The following ELF5 variants were observed in gnomAD, a reference collection of about 807,000 sequenced individuals.
ELF5 encodes ETS-related transcription factor Elf-5.
ELF5 carries 31 observed loss-of-function variants against 38.2 expected under a neutral mutation model. The observed-to-expected ratio is 0.81, with a 90% CI of 0.61 to 1.10. The LOEUF is 1.10. ELF5 is among the 50% of genes least tolerant of loss of function. The probability of loss-of-function intolerance (pLI) is 0.00; values close to 1 mark genes in which losing one functional copy is unlikely to be tolerated. For missense variants in ELF5, 300 were observed against 306.6 expected (o/e 0.98, Z 0.16); for synonymous variants, 121 against 112.5 (o/e 1.08, Z -0.48).
chr11:34,500,835 A>G (rs1257454019), intron 2 of ELF5, among the ~76,000 whole-genome samples: 1 of 152,202 alleles, frequency 6.6e-6, no homozygotes, highest in African/African-American at 2.4e-5. Context: ...GTGGGGATGC[A>G]GATGCCTCTT....
intron 4 of ELF5, among the ~76,000 whole-genome samples, chr11:34,483,851 C>G (rs1345941447): frequency 3.8e-5 from 4 of 104,236 alleles, no homozygotes; most frequent in African/African-American, 1.2e-4. Flanking sequence ...CTGTACTGCA[C>G]TATACTAACT....
At chr11:34,499,354 G>T (rs184885805) in intron 2 of ELF5, among the ~76,000 whole-genome samples, 4 of 152,144 alleles carry the variant, frequency 2.6e-5, no homozygotes, top group African/African-American at 9.6e-5. Context: ...CAATCCTCCT[G>T]CCTCAGCCTC....
Position 34,511,683 on chromosome 11 carries a change from C to A in ELF5, c.-5+1994G>T, listed in dbSNP as rs138240402. 2.1e-5 allele frequency: 28 copies of A among 1,327,684 alleles called. No individual in the cohort carries two copies. The East Asian group carries it at 6.7e-4, about 32-fold the overall frequency. The allele number at this position is 1,327,684 out of a possible 1,614,324, so 82.2% of individuals were successfully genotyped here. On this transcript the variant is annotated intron_variant, in intron 1 of 6. Transcript: ENST00000257832. Reference sequence around the variant, plus strand: ...CGAGTTGGAGGGACAGGCCTGTGGGCTTCTCAGTGTCACACAAATCAGAGG... The same window carrying A: ...CGAGTTGGAGGGACAGGCCTGTGGGATTCTCAGTGTCACACAAATCAGAGG...
At chr11:34,511,323 G>A (rs990202480) in intron 1 of ELF5, among the ~76,000 whole-genome samples, 5 of 152,132 alleles carry the variant, frequency 3.3e-5, no homozygotes, top group Non-Finnish European at 5.9e-5. Context: ...AGATACCTCA[G>A]GACAACTGGA....
At chr11:34,511,708 G>A (rs771916257) in intron 1 of ELF5, 3 of 1,057,164 alleles carry the variant, frequency 2.8e-6, no homozygotes, top group Non-Finnish European at 4.2e-6. Context: ...CAAATCAGAG[G>A]CAGCAATAAC....
intron 2 of ELF5, 124 bp downstream of exon 2, chr11:34,505,505 C>T: frequency 9.0e-6 from 13 of 1,445,762 alleles, no homozygotes; most frequent in African/African-American, 1.4e-5. Flanking sequence ...CCCTCCAGCC[C>T]TCTGCCCTGA....
chr11:34,511,404 G>T, intron 1 of ELF5: 1 of 1,175,160 alleles, frequency 8.5e-7, no homozygotes, highest in Non-Finnish European at 1.2e-6. Context: ...CGATAGATCC[G>T]TGGAAGCTGG....
intron 3 of ELF5, 109 bp from the exon 4 acceptor site, chr11:34,490,168 G>T: frequency 8.0e-7 from 1 of 1,244,862 alleles, no homozygotes; most frequent in Non-Finnish European, 1.2e-6. Context: ...CCCTCTTGAG[G>T]TTGGTTACAA....
intron 1 of ELF5, among the ~76,000 whole-genome samples, chr11:34,513,070 C>G (rs1477100633): frequency 1.3e-5 from 2 of 152,258 alleles, no homozygotes; most frequent in African/African-American, 4.8e-5. Flanking sequence ...ACCCCACACA[C>G]TGCAGAGTCT....
chr11:34,501,775 C>T (rs1850476971), intron 2 of ELF5, among the ~76,000 whole-genome samples: 2 of 152,136 alleles, frequency 1.3e-5, no homozygotes, highest in South Asian at 2.1e-4. Context: ...TTTGTGGTTA[C>T]CACACCAGGG....
At chr11:34,498,447 A>G (rs965047624) in intron 2 of ELF5, among the ~76,000 whole-genome samples, 5 of 152,286 alleles carry the variant, frequency 3.3e-5, no homozygotes, top group Admixed American at 3.3e-4. Context: ...TTAGAAACCA[A>G]GCTTAGAAAC....
At chr11:34,512,558 C>T (rs1441716377) in intron 1 of ELF5, among the ~76,000 whole-genome samples, 4 of 148,690 alleles carry the variant, frequency 2.7e-5, no homozygotes, top group Admixed American at 6.8e-5. Flanking sequence ...CTTCGAACTA[C>T]GGTTTCCTCA....
chr11:34,482,561 C>A, intron 4 of ELF5, 62 bp from the exon 5 acceptor site: 1 of 1,371,744 alleles, frequency 7.3e-7, no homozygotes, highest in South Asian at 1.3e-5. Context: ...GACCTCAAGT[C>A]ATACCCAAAT....
intron 6 of ELF5, 89 bp downstream of exon 6, chr11:34,480,683 A>G: frequency 6.9e-7 from 1 of 1,451,254 alleles, no homozygotes; most frequent in Non-Finnish European, 9.4e-7. Context: ...ATCAAGTAAA[A>G]AACCTGCAAA....
chr11:34,498,644 T>G (rs1045563332), intron 2 of ELF5, among the ~76,000 whole-genome samples: 4 of 152,178 alleles, frequency 2.6e-5, no homozygotes, highest in Non-Finnish European at 5.9e-5. Flanking sequence ...GGTGGTGCTG[T>G]ATCCCCAGGG....
In ELF5 at chr11:34,504,057, A is replaced by G. The variant is rs533448481; in HGVS notation, c.121+1572T>C. On this transcript the variant is annotated intron_variant, in intron 2 of 6. Transcript: ENST00000257832. ...CGCCCCTCCCACTGCCACCCCAACTACTTCCCAGCAGAATAGGCAGAAAGA... is the reference window on the plus strand; with the variant it reads ...CGCCCCTCCCACTGCCACCCCAACTGCTTCCCAGCAGAATAGGCAGAAAGA... 3.9e-5 allele frequency among the ~76,000 whole-genome samples: 6 copies of G among 152,110 alleles called. No individual in the cohort carries two copies. The South Asian group carries it at 1.2e-3, about 32-fold the overall frequency.
At chr11:34,487,538 G>T (rs542695444) in intron 4 of ELF5, among the ~76,000 whole-genome samples, 1 of 152,312 alleles carries the variant, frequency 6.6e-6, no homozygotes, top group South Asian at 2.1e-4. Context: ...AAATGTAAAT[G>T]TGATCTGATC....
At chr11:34,505,814 G>A in intron 1 of ELF5, 61 bp from the exon 2 acceptor site, 1 of 1,548,810 alleles carries the variant, frequency 6.5e-7, no homozygotes, top group Non-Finnish European at 8.7e-7. Flanking sequence ...GCCACACTGT[G>A]CAGGAGCCCC....
intron 4 of ELF5, among the ~76,000 whole-genome samples, chr11:34,485,617 C>T (rs1849971876): frequency 6.6e-6 from 1 of 152,200 alleles, no homozygotes; most frequent in Admixed American, 6.5e-5. Context: ...TACAGATCAG[C>T]ATGAGAGGGG....
Sources: allele counts gnomAD v4.1 joint callset (sites outside exome capture counted in the v4.1 genomes callset), GRCh38; gene constraint gnomAD v4.1.1; transcripts MANE v1.5; gene names NCBI Gene and HGNC (gene_info 2026-07-23, HGNC 2026-07-21).